ARHGAP22: variants seen among roughly 807,000 people sequenced by gnomAD.
ARHGAP22 encodes the protein Rho GTPase activating protein 22.
A neutral mutation model predicts 59.1 loss-of-function variants in ARHGAP22; 48 were observed. The observed-to-expected ratio is 0.81, with a 90% CI of 0.64 to 1.03. The LOEUF is 1.03. ARHGAP22 is among the 50% of genes least tolerant of loss of function. The pLI, the probability that ARHGAP22 is intolerant of heterozygous loss-of-function variation, is 0.00. For missense variants in ARHGAP22, 1,015 were observed against 958.7 expected, an observed-to-expected ratio of 1.06 and a Z score of -0.78; for synonymous variants, 445 against 416.4, an observed-to-expected ratio of 1.07 and a Z score of -0.84.
chr10:48,574,351 C>T (rs2058579880), intron 2 of ARHGAP22, among the ~76,000 whole-genome samples: 2 of 152,120 alleles, frequency 1.3e-5, no homozygotes, highest in Admixed American at 1.3e-4. Flanking sequence ...GATTGAAGCC[C>T]CACCTGAATG....
chr10:48,583,306 AG>A, intron 1 of ARHGAP22, 154 bp from the exon 2 acceptor site: 1 of 402,526 alleles, frequency 2.5e-6, no homozygotes, highest in Non-Finnish European at 3.4e-6. Flanking sequence ...TTGGCATTGA[AG>A]GGGCATGGGT....
At chr10:48,474,390 C>G (rs910315138) in intron 4 of ARHGAP22, among the ~76,000 whole-genome samples, 1 of 92,296 alleles carries the variant, frequency 1.1e-5, no homozygotes, top group African/African-American at 2.8e-5. Context: ...AACAGAGATA[C>G]TTTAATGTCT....
intron 9 of ARHGAP22, among the ~76,000 whole-genome samples, chr10:48,447,202 G>C (rs1000506280): frequency 1.3e-5 from 2 of 152,230 alleles, no homozygotes; most frequent in African/African-American, 2.4e-5. Context: ...TGTGCCACCA[G>C]AGCCTATACC....
At chr10:48,646,073 G>A (rs1383642566) in intron 1 of ARHGAP22, among the ~76,000 whole-genome samples, 4 of 152,058 alleles carry the variant, frequency 2.6e-5, no homozygotes, top group Non-Finnish European at 5.9e-5. Context: ...CTCCATAAAT[G>A]AAATTAAGAA....
At chr10:48,523,838 A>C (rs372991717) in intron 3 of ARHGAP22, among the ~76,000 whole-genome samples, 5,293 of 152,034 alleles carry the variant, frequency 0.035, 138 homozygotes, top group Non-Finnish European at 0.052. Flanking sequence ...ATGGGGACCG[A>C]GGAGCCCCAG....
At chr10:48,645,950 T>A (rs1274294086) in intron 1 of ARHGAP22, among the ~76,000 whole-genome samples, 1 of 152,124 alleles carries the variant, frequency 6.6e-6, no homozygotes, top group Non-Finnish European at 1.5e-5. Flanking sequence ...TTTGGAAAAT[T>A]ATCACAAGAA....
chr10:48,650,325 G>C (rs967784470), intron 1 of ARHGAP22, among the ~76,000 whole-genome samples: 2 of 152,108 alleles, frequency 1.3e-5, no homozygotes, highest in African/African-American at 4.8e-5. Context: ...CAGACACGAG[G>C]CTTCATAAAA....
At chr10:48,636,781 G>A (rs1757407961) in intron 1 of ARHGAP22, among the ~76,000 whole-genome samples, 1 of 152,206 alleles carries the variant, frequency 6.6e-6, no homozygotes, top group Admixed American at 6.5e-5. Context: ...AAGTGGGCAG[G>A]CAAAGCCCAG....
At chr10:48,497,068 G>A (rs889800018) in intron 3 of ARHGAP22, among the ~76,000 whole-genome samples, 7 of 152,124 alleles carry the variant, frequency 4.6e-5, no homozygotes, top group African/African-American at 1.4e-4. Context: ...GGCTGGTCAG[G>A]AGAAACTGCA....
intron 5 of ARHGAP22, among the ~76,000 whole-genome samples, chr10:48,459,031 G>T (rs565832850): frequency 4.8e-4 from 73 of 152,268 alleles, no homozygotes; most frequent in Non-Finnish European, 1.8e-4. Context: ...CCCATGGAGG[G>T]TAGTTTTTCC....
chr10:48,566,227 C>A (rs1354704325), intron 2 of ARHGAP22, among the ~76,000 whole-genome samples: 1 of 152,192 alleles, frequency 6.6e-6, no homozygotes, highest in African/African-American at 2.4e-5. Context: ...TTTTAGAAAG[C>A]AATCGCTCAG....
At chr10:48,509,651 GC>G in intron 3 of ARHGAP22, among the ~76,000 whole-genome samples, 1 of 152,194 alleles carries the variant, frequency 6.6e-6, no homozygotes, top group South Asian at 2.1e-4. Context: ...CCCCAGACTC[GC>G]TGGGCCCTCC....
chr10:48,473,621 A>G (rs1021810836), intron 4 of ARHGAP22, among the ~76,000 whole-genome samples: 6 of 152,180 alleles, frequency 3.9e-5, no homozygotes, highest in Non-Finnish European at 7.3e-5. Flanking sequence ...ACAATCCTGC[A>G]AAAAAGATAT....
intron 1 of ARHGAP22, among the ~76,000 whole-genome samples, chr10:48,620,545 G>C (rs2136028044): frequency 6.6e-6 from 1 of 152,234 alleles, no homozygotes; most frequent in South Asian, 2.1e-4. Flanking sequence ...CTTCAGTTGG[G>C]GCCTTGATCA....
upstream of ARHGAP22, among the ~76,000 whole-genome samples, chr10:48,608,002 G>A (rs2060740399): frequency 6.6e-6 from 1 of 152,220 alleles, no homozygotes; most frequent in Non-Finnish European, 1.5e-5. Flanking sequence ...CTGCACATTA[G>A]GGAGCTCTGA....
intron 1 of ARHGAP22, among the ~76,000 whole-genome samples, chr10:48,643,303 C>A (rs1049442540): frequency 6.6e-6 from 1 of 152,004 alleles, no homozygotes; most frequent in African/African-American, 2.4e-5. Flanking sequence ...GCAATAAACA[C>A]GCATGTTTAT....
chr10:48,639,123 C>A (rs2061940970), intron 1 of ARHGAP22, among the ~76,000 whole-genome samples: 2 of 152,326 alleles, frequency 1.3e-5, no homozygotes, highest in Admixed American at 1.3e-4. Context: ...TAAGCTCAGT[C>A]CTCACACAGG....
At chr10:48,647,220 C>T (rs144036606) in intron 1 of ARHGAP22, among the ~76,000 whole-genome samples, 13 of 152,074 alleles carry the variant, frequency 8.5e-5, no homozygotes, top group African/African-American at 3.1e-4. Context: ...ATGGTGAAAC[C>T]CTGTCTCTAC....
chr10:48,570,136 TTA>T (rs1427111547), intron 2 of ARHGAP22, among the ~76,000 whole-genome samples: 1 of 152,344 alleles, frequency 6.6e-6, no homozygotes, highest in East Asian at 1.9e-4. Context: ...GTAAATAAAT[TTA>T]TATTTGACTT....
Sources: gnomAD v4.1 joint callset for allele counts (sites outside exome capture counted in the v4.1 genomes callset) on GRCh38, gnomAD v4.1.1 for gene constraint, MANE v1.5 for transcripts, NCBI Gene and HGNC (gene_info 2026-07-23, HGNC 2026-07-21) for gene names.